The following RPTOR variants were observed in gnomAD, a reference collection of about 807,000 sequenced individuals.
RPTOR encodes the protein regulatory associated protein of MTOR complex 1, also known as regulatory-associated protein of mTOR.
A neutral mutation model predicts 169.9 loss-of-function variants in RPTOR; 21 were observed. The observed-to-expected ratio is 0.12, with a 90% CI of 0.09 to 0.18. The LOEUF (loss-of-function observed/expected upper bound fraction) is 0.18. Ranked by LOEUF, RPTOR falls within the 10% of genes least tolerant of loss-of-function variation. RPTOR has a pLI of 1.00. For synonymous variants in RPTOR, 732 were observed against 753.2 expected (o/e 0.97, Z 0.46); for missense variants, 1,133 against 1,855.9 (o/e 0.61, Z 7.16).
At chr17:80,782,638 C>T (rs116699269) in intron 6 of RPTOR, among the ~76,000 whole-genome samples, 321 of 152,248 alleles carry the variant, frequency 2.1e-3, no homozygotes, top group African/African-American at 7.1e-3. Flanking sequence ...GCACCGCAGT[C>T]GTGGAAGCCC....
At chr17:80,615,869 G>A (rs567365057) in intron 1 of RPTOR, among the ~76,000 whole-genome samples, 32 of 152,256 alleles carry the variant, frequency 2.1e-4, no homozygotes, top group African/African-American at 7.0e-4. Flanking sequence ...GTGGGGCCCG[G>A]AGGCCTTTCT....
intron 1 of RPTOR, among the ~76,000 whole-genome samples, chr17:80,551,851 C>T (rs898549003): frequency 3.9e-5 from 6 of 152,136 alleles, no homozygotes; most frequent in Non-Finnish European, 7.4e-5. Context: ...CAATACCTGG[C>T]TTTCCTAGGC....
chr17:80,647,502 A>G (rs1224352320), intron 3 of RPTOR, among the ~76,000 whole-genome samples: 1 of 152,204 alleles, frequency 6.6e-6, no homozygotes, highest in East Asian at 1.9e-4. Flanking sequence ...AAAGACAAGC[A>G]GGAGGGGCCT....
intron 2 of RPTOR, among the ~76,000 whole-genome samples, chr17:80,628,116 G>T (rs896089629): frequency 6.6e-6 from 1 of 152,138 alleles, no homozygotes; most frequent in African/African-American, 2.4e-5. Flanking sequence ...GGGATTACAG[G>T]CATGAGCCAC....
At chr17:80,673,838 G>A (rs2065840786) in intron 3 of RPTOR, among the ~76,000 whole-genome samples, 1 of 152,208 alleles carries the variant, frequency 6.6e-6, no homozygotes, top group South Asian at 2.1e-4. Flanking sequence ...TAATTATTCA[G>A]TCAGAATTGT....
In RPTOR at chr17:80,695,128, G is replaced by T. The variant is rs552138098; in HGVS notation, c.349-12713G>T. On this transcript the variant is annotated intron_variant, in intron 3 of 33. Transcript: ENST00000306801. This position sits in a 1 kb window ranked among gnomAD's most constrained non-coding sequence, Gnocchi z 4.9. ...CTGTGCCCAGCCTCCTGTTTGTGAG[G>T]CAGGAGCGATGGCAGTGCCCACTGC... 6.6e-6 allele frequency among the ~76,000 whole-genome samples: 1 copy of T among 152,274 alleles called. No homozygotes were observed. Among genetic ancestry groups the T allele is most frequent in the East Asian group, 1.9e-4 (1 of 5,174 alleles).
At chr17:80,582,001 C>T (rs2143365166) in intron 1 of RPTOR, among the ~76,000 whole-genome samples, 1 of 152,280 alleles carries the variant, frequency 6.6e-6, no homozygotes, top group Admixed American at 6.5e-5. Context: ...ATACTCCTTT[C>T]CAGGCTGAGA....
chr17:80,690,540 A>G (rs2065982222), intron 3 of RPTOR, among the ~76,000 whole-genome samples: 1 of 151,638 alleles, frequency 6.6e-6, no homozygotes, highest in Admixed American at 6.6e-5. Flanking sequence ...TGTAGAATTT[A>G]TCGTGGTCTC....
At position 80,707,326 on chromosome 17, in the gene RPTOR, A is replaced by T. The variant is rs2066149433; in HGVS notation, c.349-515A>T. On this transcript the variant is annotated intron_variant, in intron 3 of 33. Coordinates refer to ENST00000306801, the MANE Select transcript of RPTOR (RefSeq NM_020761.3). This position sits in a 1 kb window ranked among gnomAD's most constrained non-coding sequence, Gnocchi z 5.0. ...GTGACAGGCATTACTTGTTTATCTC[A>T]TTGTTGTTCCTAGTAGTTCTCAATG... 6.6e-6 allele frequency among the ~76,000 whole-genome samples: 1 copy of T among 152,124 alleles called. No homozygotes were observed. Among genetic ancestry groups the T allele is most frequent in the African/African-American group, 2.4e-5 (1 of 41,406 alleles).
intron 20 of RPTOR, among the ~76,000 whole-genome samples, chr17:80,904,214 T>G (rs1394758955): frequency 9.2e-5 from 14 of 152,136 alleles, no homozygotes; most frequent in Non-Finnish European, 2.1e-4. Context: ...GTGCAGCCCC[T>G]GAGGGGTCAG....
chr17:80,837,665 A>C (rs2067579252), intron 9 of RPTOR, among the ~76,000 whole-genome samples: 1 of 152,182 alleles, frequency 6.6e-6, no homozygotes, highest in Admixed American at 6.5e-5. Context: ...TAAAGAGAAA[A>C]AATGTGACAA....
chr17:80,883,112 C>A (rs1255423621), intron 14 of RPTOR, among the ~76,000 whole-genome samples: 1 of 152,180 alleles, frequency 6.6e-6, no homozygotes, highest in Admixed American at 6.5e-5. Context: ...CCGGGTGCTT[C>A]ATACCGACAG....
intron 6 of RPTOR, among the ~76,000 whole-genome samples, chr17:80,762,584 A>G (rs2066746629): frequency 6.6e-6 from 1 of 152,272 alleles, no homozygotes; most frequent in African/African-American, 2.4e-5. Flanking sequence ...AATAATAAAT[A>G]AAAGTGATAA....
intron 24 of RPTOR, among the ~76,000 whole-genome samples, chr17:80,930,327 T>TCAGCTCATCCTCAGCTCATCCTCTGCC (rs2068870277): frequency 2.0e-5 from 1 of 51,092 alleles, no homozygotes; most frequent in Admixed American, 2.2e-4. Flanking sequence ...TCAGCTCAGC[T>TCAGCTCATCCTCAGCTCATCCTCTGCC]CATCCTCAGC....
In RPTOR at chr17:80,643,703, T is replaced by G. The variant is rs1037665448; in HGVS notation, c.266-25T>G. Reference sequence around the variant, plus strand: ...AGGAGGAAATGCAGACGTAAAGAACTTTCTCTTTTCCATTGCTTCCTCAGA... The same window carrying G: ...AGGAGGAAATGCAGACGTAAAGAACGTTCTCTTTTCCATTGCTTCCTCAGA... On this transcript the variant is annotated intron_variant, in intron 2 of 33. Coordinates refer to ENST00000306801, the MANE Select transcript of RPTOR (RefSeq NM_020761.3). 1.9e-6 allele frequency: 3 copies of G among 1,591,892 alleles called. No individual in the cohort carries two copies. The African/African-American group carries it at 4.0e-5, about 21-fold the overall frequency.
chr17:80,835,414 C>T (rs2067552942), intron 9 of RPTOR, among the ~76,000 whole-genome samples: 1 of 152,100 alleles, frequency 6.6e-6, no homozygotes, highest in Non-Finnish European at 1.5e-5. Context: ...GAGAAGAGAG[C>T]GCAGTGCTAG....
chr17:80,896,490 C>T (rs143856920), intron 20 of RPTOR, among the ~76,000 whole-genome samples: 60,755 of 95,500 alleles, frequency 0.64, 19,405 homozygotes, highest in Non-Finnish European at 0.71. Flanking sequence ...ACGGCCGCAC[C>T]GACACACCCC....
chr17:80,811,786 C>G (rs2067275690), intron 7 of RPTOR, among the ~76,000 whole-genome samples: 1 of 151,500 alleles, frequency 6.6e-6, no homozygotes, highest in Non-Finnish European at 1.5e-5. Context: ...CACACCCTCT[C>G]TAACAAGGCC....
At chr17:80,657,024 C>T (rs1046418051) in intron 3 of RPTOR, among the ~76,000 whole-genome samples, 1 of 152,240 alleles carries the variant, frequency 6.6e-6, no homozygotes, top group Admixed American at 6.5e-5. Flanking sequence ...AATCCAATTT[C>T]TCAGCGTTTC....
Sources: allele counts gnomAD v4.1 joint callset (sites outside exome capture counted in the v4.1 genomes callset), GRCh38; gene constraint gnomAD v4.1.1; non-coding constraint Gnocchi (gnomAD v3.1); transcripts MANE v1.5; gene names NCBI Gene and HGNC (gene_info 2026-07-23, HGNC 2026-07-21).